KCNK9: variants seen among roughly 807,000 people sequenced by gnomAD.
KCNK9 encodes the protein potassium channel subfamily K member 9.
KCNK9 carries 1 observed loss-of-function variant against 10.8 expected under a neutral mutation model. That is an observed-to-expected ratio of 0.09 (90% confidence interval 0.03 to 0.44). The LOEUF (loss-of-function observed/expected upper bound fraction) is 0.44. Among genes scored for constraint, KCNK9 ranks in the 20% least tolerant of loss-of-function variants. The pLI is 0.97. For synonymous variants in KCNK9, 231 were observed against 222.7 expected (o/e 1.04, Z -0.33); for missense variants, 303 against 515.0 (o/e 0.59, Z 3.98).
At chr8:139,643,496 C>T (rs1425304477) in intron 1 of KCNK9, among the ~76,000 whole-genome samples, 1 of 152,226 alleles carries the variant, frequency 6.6e-6, no homozygotes, top group Non-Finnish European at 1.5e-5. Flanking sequence ...AGGAGCGTTC[C>T]GGATCCTGAA....
downstream of KCNK9, among the ~76,000 whole-genome samples, chr8:139,614,588 A>C (rs17797668): frequency 0.088 from 13,448 of 152,252 alleles, 640 homozygotes; most frequent in Middle Eastern, 0.13. Context: ...GTGCAGGTGG[A>C]AAGAACAGAT....
intron 1 of KCNK9, among the ~76,000 whole-genome samples, chr8:139,681,607 C>G (rs1337139626): frequency 2.0e-5 from 3 of 152,296 alleles, no homozygotes; most frequent in African/African-American, 4.8e-5. Flanking sequence ...AGGAGGTCAC[C>G]CTGTGCTGAG....
chr8:139,647,404 G>C (rs1815722521), intron 1 of KCNK9, among the ~76,000 whole-genome samples: 1 of 152,236 alleles, frequency 6.6e-6, no homozygotes, highest in African/African-American at 2.4e-5. Context: ...AACAAAACTA[G>C]GTCTTTGCCT....
At chr8:139,700,893 G>A (rs184028378) in intron 1 of KCNK9, among the ~76,000 whole-genome samples, 112 of 152,230 alleles carry the variant, frequency 7.4e-4, no homozygotes, top group Middle Eastern at 6.8e-3. Context: ...TCCTCTCCTC[G>A]ATGTTGTCGC....
At chr8:139,651,793 C>T (rs1272503590) in intron 1 of KCNK9, among the ~76,000 whole-genome samples, 2 of 152,140 alleles carry the variant, frequency 1.3e-5, no homozygotes, top group Admixed American at 6.5e-5. Flanking sequence ...AAGCCAATAT[C>T]GCCGACACAA....
intron 1 of KCNK9, among the ~76,000 whole-genome samples, chr8:139,633,039 A>G (rs1325295173): frequency 6.6e-6 from 1 of 152,142 alleles, no homozygotes. Flanking sequence ...GGGCTCAGGG[A>G]CACGAGTAGC....
chr8:139,662,828 G>A (rs1816192985), intron 1 of KCNK9, among the ~76,000 whole-genome samples: 1 of 147,782 alleles, frequency 6.8e-6, no homozygotes, highest in Non-Finnish European at 1.5e-5. Context: ...ACAGGGGAGG[G>A]GGGTCAGGGA....
At chr8:139,606,562 T>C (rs778148396) in intron 2 of KCNK9, among the ~76,000 whole-genome samples, 5 of 152,222 alleles carry the variant, frequency 3.3e-5, no homozygotes, top group Non-Finnish European at 5.9e-5. Context: ...TAATTTCTTC[T>C]ATGCCTGGAG....
chr8:139,656,218 C>A (rs1039181517), intron 1 of KCNK9, among the ~76,000 whole-genome samples: 2 of 152,148 alleles, frequency 1.3e-5, no homozygotes, highest in Non-Finnish European at 2.9e-5. Context: ...GCCCTCCCTG[C>A]AAGCAGCTTG....
chr8:139,672,562 T>A (rs1031432350), intron 1 of KCNK9, among the ~76,000 whole-genome samples: 1 of 152,174 alleles, frequency 6.6e-6, no homozygotes, highest in Non-Finnish European at 1.5e-5. Flanking sequence ...TAGACTCCAA[T>A]ACACAATTCC....
At chr8:139,649,594 C>T (rs1030214345) in intron 1 of KCNK9, among the ~76,000 whole-genome samples, 1 of 152,156 alleles carries the variant, frequency 6.6e-6, no homozygotes, top group African/African-American at 2.4e-5. Context: ...ACTCCTGGGC[C>T]CTTCCTCCTG....
chr8:139,642,942 C>T (rs944259141), intron 1 of KCNK9, among the ~76,000 whole-genome samples: 107 of 152,282 alleles, frequency 7.0e-4, no homozygotes, highest in African/African-American at 2.5e-3. Context: ...AGGAAAAGAA[C>T]TCGTGTCCTA....
At chr8:139,665,059 C>T (rs1459575631) in intron 1 of KCNK9, among the ~76,000 whole-genome samples, 5 of 152,210 alleles carry the variant, frequency 3.3e-5, no homozygotes, top group South Asian at 2.1e-4. Flanking sequence ...TGCTACTGCA[C>T]GTTTTAGTTT....
chr8:139,610,201 A>G (rs1336936856), downstream of KCNK9, among the ~76,000 whole-genome samples: 3 of 152,088 alleles, frequency 2.0e-5, no homozygotes, highest in Non-Finnish European at 4.4e-5. Context: ...ACCAGCACTC[A>G]CCTTGACAGT....
chr8:139,608,643 G>T (rs1814314333), downstream of KCNK9, among the ~76,000 whole-genome samples: 1 of 152,000 alleles, frequency 6.6e-6, no homozygotes, highest in South Asian at 2.1e-4. Flanking sequence ...GCGGGGTGGG[G>T]GTGTACCTGC....
chr8:139,613,439 A>T (rs1453712190), downstream of KCNK9, among the ~76,000 whole-genome samples: 1 of 152,118 alleles, frequency 6.6e-6, no homozygotes, highest in Non-Finnish European at 1.5e-5. Context: ...CCCAGAATGC[A>T]CCTGGCCTTG....
chr8:139,697,343 ATGGT>A (rs1367990775), intron 1 of KCNK9, among the ~76,000 whole-genome samples: 2 of 125,220 alleles, frequency 1.6e-5, no homozygotes, highest in Non-Finnish European at 3.4e-5. Flanking sequence ...GGGTGAGTGG[ATGGT>A]TGGATGGATG....
chr8:139,619,438 T>C (rs1213130294), intron 1 of KCNK9, among the ~76,000 whole-genome samples: 1 of 152,050 alleles, frequency 6.6e-6, no homozygotes, highest in African/African-American at 2.4e-5. Context: ...AACATTCGAA[T>C]GCCATCTTAG....
At chr8:139,662,071 T>A (rs1330337773) in intron 1 of KCNK9, among the ~76,000 whole-genome samples, 1 of 152,072 alleles carries the variant, frequency 6.6e-6, no homozygotes, top group Non-Finnish European at 1.5e-5. Flanking sequence ...TCACTGAACT[T>A]CCCCAGCGCC....
Sources: gnomAD v4.1 joint callset for allele counts (sites outside exome capture counted in the v4.1 genomes callset) on GRCh38, gnomAD v4.1.1 for gene constraint, MANE v1.5 for transcripts, NCBI Gene and HGNC (gene_info 2026-07-23, HGNC 2026-07-21) for gene names.